The following HTR2C variants were observed in gnomAD, a reference collection of about 807,000 sequenced individuals.
HTR2C encodes the protein 5-hydroxytryptamine (serotonin) receptor 2C, G protein-coupled.
In HTR2C, 5 loss-of-function variants were observed where a neutral mutation model predicts 21.0. The ratio of observed to expected loss-of-function variants is 0.24; its 90% CI spans 0.12 to 0.50. The LOEUF (loss-of-function observed/expected upper bound fraction) is 0.50. Among genes scored for constraint, HTR2C ranks in the 20% least tolerant of loss-of-function variants. The pLI, the probability that HTR2C is intolerant of heterozygous loss-of-function variation, is 0.98. For missense variants in HTR2C, 271 were observed against 371.2 expected (o/e 0.73, Z 2.22); for synonymous variants, 150 against 145.3 (o/e 1.03, Z -0.23).
intron 4 of HTR2C, among the ~76,000 whole-genome samples, chrX:114,822,121 A>G (rs1451310444): frequency 1.8e-5 from 2 of 111,453 alleles, no homozygotes; most frequent in African/African-American, 6.5e-5. Flanking sequence ...TGCTGGGATT[A>G]TAGGCGTGAG....
At position 114,794,060 on chromosome X, in the gene HTR2C, T is replaced by G. The variant is rs149915943; in HGVS notation, c.350-53943T>G. Among the ~76,000 whole-genome samples the G allele has an allele frequency of 6.3e-5, 7 of 111,545 alleles. No individual in the cohort carries two copies. In the East Asian group the frequency reaches 2.0e-3, roughly 32 times the overall value. On this transcript the variant is annotated intron_variant, in intron 4 of 5. Transcript: ENST00000276198. ...CATGATCAGTGATTTTAGTATTTGATTAGTGTTTGTGACAACTTTAAAAGT... is the reference window on the plus strand; with the variant it reads ...CATGATCAGTGATTTTAGTATTTGAGTAGTGTTTGTGACAACTTTAAAAGT...
At chrX:114,783,531 T>G (rs1242981562) in intron 4 of HTR2C, among the ~76,000 whole-genome samples, 1 of 111,775 alleles carries the variant, frequency 8.9e-6, no homozygotes, top group African/African-American at 3.2e-5. Flanking sequence ...CACTAATTGA[T>G]AGAACAAGCT....
intron 2 of HTR2C, among the ~76,000 whole-genome samples, chrX:114,649,677 G>A (rs975660522): frequency 2.7e-5 from 3 of 110,723 alleles, no homozygotes; most frequent in East Asian, 2.8e-4. Flanking sequence ...GTGAAGTGGC[G>A]TGATCTCGGC....
intron 2 of HTR2C, among the ~76,000 whole-genome samples, chrX:114,639,240 C>T (rs1556405978): frequency 1.8e-5 from 2 of 111,661 alleles, no homozygotes; most frequent in Non-Finnish European, 3.8e-5. Flanking sequence ...ATTTCAAATG[C>T]CATTTATTGA....
intron 4 of HTR2C, among the ~76,000 whole-genome samples, chrX:114,830,797 T>C (rs1299007290): frequency 5.2e-5 from 5 of 95,857 alleles, no homozygotes; most frequent in African/African-American, 1.9e-4. Flanking sequence ...CTGCACCCAC[T>C]AACTCATCAT....
At chrX:114,672,523 A>G (rs970153623) in intron 2 of HTR2C, among the ~76,000 whole-genome samples, 3 of 112,464 alleles carry the variant, frequency 2.7e-5, no homozygotes, top group South Asian at 3.6e-4. Flanking sequence ...GCTATCTATA[A>G]GACTTGGGCA....
rs782206973 is a variant in HTR2C, at chrX:114,741,524, T to TAAAA, written c.349+9939_349+9942dup. On this transcript the variant is annotated intron_variant, in intron 4 of 5. Coordinates refer to ENST00000276198, the MANE Select transcript of HTR2C (RefSeq NM_000868.4). ...GGCGACAGAGCAAGACGACTCCGTC[T>TAAAA]AAAAAAAAAAAAAAAAAAAAAAAAA... Among the ~76,000 whole-genome samples, 34 of 4,896 alleles carry TAAAA rather than the reference T, an allele frequency of 6.9e-3. 8 individuals are homozygous for TAAAA. Among genetic ancestry groups the TAAAA allele is most frequent in the Non-Finnish European group, 0.012 (22 of 1,905 alleles). The allele number at this position is 4,896 out of a possible 115,157, so 4.3% of individuals were successfully genotyped here.
chrX:114,671,206 A>G (rs1200991735), intron 2 of HTR2C, among the ~76,000 whole-genome samples: 2 of 112,246 alleles, frequency 1.8e-5, no homozygotes, highest in African/African-American at 3.2e-5. Context: ...TAAACACAGA[A>G]CAGAAGGAAA....
chrX:114,683,428 A>C (rs1556413794), intron 2 of HTR2C, among the ~76,000 whole-genome samples: 1 of 109,536 alleles, frequency 9.1e-6, no homozygotes, highest in Non-Finnish European at 1.9e-5. Context: ...CTGAAGTTTC[A>C]TCCTGGTATC....
chrX:114,854,711 C>A (rs2070945361), intron 5 of HTR2C, among the ~76,000 whole-genome samples: 1 of 111,311 alleles, frequency 9.0e-6, no homozygotes, highest in Non-Finnish European at 1.9e-5. Flanking sequence ...ACAACGAAAA[C>A]AATAATAGAC....
At chrX:114,681,031 T>G (rs782280207) in intron 2 of HTR2C, among the ~76,000 whole-genome samples, 2 of 111,616 alleles carry the variant, frequency 1.8e-5, no homozygotes, top group East Asian at 5.7e-4. Flanking sequence ...ATTTAGATGC[T>G]GGAAGGGAAT....
chrX:114,858,721 T>C (rs1177168182), intron 5 of HTR2C, among the ~76,000 whole-genome samples: 1 of 110,878 alleles, frequency 9.0e-6, no homozygotes, highest in Non-Finnish European at 1.9e-5. Flanking sequence ...ACTTAGAAAA[T>C]AGTGTTTAAT....
At chrX:114,610,991 A>G (rs933126376) in intron 1 of HTR2C, among the ~76,000 whole-genome samples, 8 of 112,054 alleles carry the variant, frequency 7.1e-5, no homozygotes, top group Non-Finnish European at 5.6e-5. Flanking sequence ...AAAACGTTAG[A>G]GACCTCAGAA....
chrX:114,607,915 A>G (rs1455310278), intron 1 of HTR2C, among the ~76,000 whole-genome samples: 2 of 111,183 alleles, frequency 1.8e-5, no homozygotes, highest in African/African-American at 6.6e-5. Context: ...TGGAACCGGG[A>G]GGTGGAGGCT....
At chrX:114,841,095 C>T (rs1304197313) in intron 4 of HTR2C, among the ~76,000 whole-genome samples, 1 of 111,875 alleles carries the variant, frequency 8.9e-6, no homozygotes, top group Admixed American at 9.5e-5. Flanking sequence ...CAGAATATTT[C>T]AACAGCCACA....
intron 2 of HTR2C, among the ~76,000 whole-genome samples, chrX:114,677,536 A>G (rs1328524638): frequency 8.9e-6 from 1 of 111,769 alleles, no homozygotes; most frequent in African/African-American, 3.2e-5. Flanking sequence ...GTACAATGAA[A>G]CAGTATACTA....
In HTR2C at chrX:114,902,129, C is replaced by A. The variant is rs960972188; in HGVS notation, c.551-4460C>A. Among the ~76,000 whole-genome samples the A allele has an allele frequency of 2.7e-5, 3 of 111,743 alleles. 1 individual carries two copies. The Admixed American group carries it at 2.9e-4, about 11-fold the overall frequency. On this transcript the variant is annotated intron_variant, in intron 5 of 5. Coordinates refer to ENST00000276198, the MANE Select transcript of HTR2C (RefSeq NM_000868.4). ...AGTTAACTTCATCAAATAACATGTG[C>A]CTTGCGGAATTTTTATAAAAATGAA...
chrX:114,857,764 A>G (rs782617545), intron 5 of HTR2C, among the ~76,000 whole-genome samples: 43 of 111,061 alleles, frequency 3.9e-4, no homozygotes, highest in Admixed American at 6.7e-4. Flanking sequence ...TTTCTCATCC[A>G]GAGTTCAAGA....
intron 2 of HTR2C, among the ~76,000 whole-genome samples, chrX:114,665,129 CTGAT>C (rs1556410739): frequency 1.8e-5 from 2 of 111,937 alleles, no homozygotes; most frequent in South Asian, 3.7e-4. Flanking sequence ...AGAAAAAAAA[CTGAT>C]TGGTTAACGT....
Sources: allele counts gnomAD v4.1 joint callset (sites outside exome capture counted in the v4.1 genomes callset), GRCh38; gene constraint gnomAD v4.1.1; transcripts MANE v1.5; gene names NCBI Gene and HGNC (gene_info 2026-07-23, HGNC 2026-07-21).